SNTG1: variants seen among roughly 807,000 people sequenced by gnomAD.
The protein encoded by SNTG1 is gamma-1-syntrophin.
SNTG1 carries 39 observed loss-of-function variants against 74.7 expected under a neutral mutation model. That is an observed-to-expected ratio of 0.52 (90% CI 0.40 to 0.68). The LOEUF (loss-of-function observed/expected upper bound fraction) is 0.68, where lower values mean the gene tolerates loss of function less well. Among genes scored for constraint, SNTG1 ranks in the 30% least tolerant of loss-of-function variants. The probability of loss-of-function intolerance (pLI) is 0.00; values close to 1 mark genes in which losing one functional copy is unlikely to be tolerated. For synonymous variants in SNTG1, 254 were observed against 217.1 expected, an observed-to-expected ratio of 1.17 and a Z score of -1.49; for missense variants, 685 against 609.5, an observed-to-expected ratio of 1.12 and a Z score of -1.30.
chr8:50,402,810 T>A (rs1436959167), intron 4 of SNTG1, among the ~76,000 whole-genome samples: 1 of 152,146 alleles, frequency 6.6e-6, no homozygotes, highest in African/African-American at 2.4e-5. Context: ...GGATAGTGTC[T>A]AAATGATTCT....
chr8:50,505,833 T>G (rs1002252181), intron 9 of SNTG1, among the ~76,000 whole-genome samples: 2 of 152,150 alleles, frequency 1.3e-5, no homozygotes, highest in African/African-American at 4.8e-5. Context: ...ATCATTTTAT[T>G]TATTTTACAA....
intron 15 of SNTG1, among the ~76,000 whole-genome samples, chr8:50,678,671 T>C (rs1435126009): frequency 2.6e-5 from 4 of 152,162 alleles, no homozygotes; most frequent in Non-Finnish European, 5.9e-5. Context: ...AGCCAAACTT[T>C]ATCTGAAATA....
Position 50,763,648 on chromosome 8 carries a change from T to TTGTGTGTGTGTGTG in SNTG1, c.1395+11568_1395+11581dup, listed in dbSNP as rs141415804. Among the ~76,000 whole-genome samples the TTGTGTGTGTGTGTG allele has an allele frequency of 1.9e-3, 226 of 117,132 alleles. 3 individuals carry two copies. Among genetic ancestry groups the TTGTGTGTGTGTGTG allele is most frequent in the Middle Eastern group, 9.4e-3 (2 of 212 alleles). The allele number at this position is 117,132 out of a possible 152,430, so 76.8% of individuals were successfully genotyped here. A position where few individuals can be genotyped will look rare whatever the true frequency, so the allele number is the denominator to read the frequency against. On this transcript the variant is annotated intron_variant, in intron 18 of 18. Transcript: ENST00000642720. ...CTCTTTTGGCTCAAGATTGCCTTTA[T>TTGTGTGTGTGTGTG]TGTGTGTGTGTGTGTGTGTGTGTGT...
chr8:50,073,521 C>A (rs2131019259), intron 1 of SNTG1, among the ~76,000 whole-genome samples: 1 of 152,234 alleles, frequency 6.6e-6, no homozygotes, highest in Non-Finnish European at 1.5e-5. Flanking sequence ...ATTTTGACCT[C>A]CTCTCATGAG....
At chr8:50,788,605 C>A (rs2095682520) in intron 18 of SNTG1, among the ~76,000 whole-genome samples, 1 of 151,856 alleles carries the variant, frequency 6.6e-6, no homozygotes. Flanking sequence ...CGGTCTCAGG[C>A]ATAAATGGGT....
At chr8:50,531,565 C>T (rs753366165) in intron 10 of SNTG1, among the ~76,000 whole-genome samples, 2 of 152,172 alleles carry the variant, frequency 1.3e-5, no homozygotes, top group Non-Finnish European at 2.9e-5. Context: ...TCCTTCACCG[C>T]GCTGGTGCAC....
At chr8:50,007,491 C>T (rs535547626) in intron 1 of SNTG1, among the ~76,000 whole-genome samples, 2 of 152,136 alleles carry the variant, frequency 1.3e-5, no homozygotes, top group African/African-American at 4.8e-5. Flanking sequence ...ATTTCATTAA[C>T]TGGAGGGGAA....
chr8:50,167,562 C>T (rs2082665357), intron 1 of SNTG1, among the ~76,000 whole-genome samples: 1 of 151,156 alleles, frequency 6.6e-6, no homozygotes, highest in Admixed American at 6.6e-5. Context: ...TTTGTGAGGC[C>T]TTGGCAGGCA....
chr8:50,650,727 A>C (rs2095139773), intron 13 of SNTG1, among the ~76,000 whole-genome samples: 1 of 152,128 alleles, frequency 6.6e-6, no homozygotes, highest in Middle Eastern at 3.2e-3. Flanking sequence ...TTTGAGACAG[A>C]GTCTCACTCT....
chr8:50,651,610 A>C (rs2095147033), intron 13 of SNTG1, among the ~76,000 whole-genome samples: 1 of 148,766 alleles, frequency 6.7e-6, no homozygotes, highest in African/African-American at 2.5e-5. Flanking sequence ...GGCATGTACC[A>C]CCAAGCCCAA....
At chr8:50,654,252 AT>A (rs2095166892) in intron 13 of SNTG1, among the ~76,000 whole-genome samples, 1 of 151,770 alleles carries the variant, frequency 6.6e-6, no homozygotes, top group Admixed American at 6.6e-5. Flanking sequence ...TTTTTCTCTT[AT>A]TCTCATATAT....
rs571186887 is a variant in SNTG1 at position 50,580,147 on chromosome 8, G to A, written c.811-10732G>A. On this transcript the variant is annotated intron_variant, in intron 12 of 18. Coordinates refer to ENST00000642720, the MANE Select transcript of SNTG1 (RefSeq NM_018967.5). The stretch of plus-strand genomic sequence containing the variant: ...CATTGAGTCAAAGGAGATCATTTTC[G>A]AACCTTAAAGTTTAACAACTGCCCT... Among the ~76,000 whole-genome samples, 15 of 152,350 alleles carry A rather than the reference G, an allele frequency of 9.8e-5. No individual in the cohort carries two copies. The South Asian group carries it at 1.0e-3, about 11-fold the overall frequency.
chr8:49,918,763 A>AG (rs1470396406), intron 1 of SNTG1, among the ~76,000 whole-genome samples: 15 of 152,088 alleles, frequency 9.9e-5, no homozygotes, highest in African/African-American at 3.6e-4. Flanking sequence ...ACTGTGCCAA[A>AG]GGGAAAAACA....
intron 1 of SNTG1, among the ~76,000 whole-genome samples, chr8:50,102,258 G>A (rs1372793982): frequency 4.0e-5 from 6 of 150,398 alleles, no homozygotes; most frequent in South Asian, 4.2e-4. Context: ...ATTCTAACTG[G>A]TGTGAGATGA....
chr8:50,336,226 A>G (rs1407006238), intron 2 of SNTG1, among the ~76,000 whole-genome samples: 4 of 152,212 alleles, frequency 2.6e-5, no homozygotes, highest in Non-Finnish European at 5.9e-5. Context: ...TTTGGAGACC[A>G]TAGAGCATTC....
chr8:50,691,493 A>G (rs867027976), intron 15 of SNTG1, among the ~76,000 whole-genome samples: 1 of 152,100 alleles, frequency 6.6e-6, no homozygotes, highest in Non-Finnish European at 1.5e-5. Context: ...TATTTTATTT[A>G]TCCTTCAGTT....
chr8:50,067,415 T>C (rs769369191), intron 1 of SNTG1, among the ~76,000 whole-genome samples: 5 of 152,176 alleles, frequency 3.3e-5, no homozygotes, highest in Non-Finnish European at 5.9e-5. Context: ...CGAAATACAA[T>C]TGTAGGCCAT....
chr8:50,335,924 G>T (rs148626113), intron 2 of SNTG1, among the ~76,000 whole-genome samples: 27 of 151,900 alleles, frequency 1.8e-4, no homozygotes, highest in African/African-American at 5.8e-4. Context: ...GTCAAGGTAA[G>T]TCATGTTATA....
At chr8:50,315,930 T>C (rs2090301312) in intron 2 of SNTG1, among the ~76,000 whole-genome samples, 1 of 152,166 alleles carries the variant, frequency 6.6e-6, no homozygotes, top group African/African-American at 2.4e-5. Context: ...AAAGTGGAAA[T>C]TGAATGTGAG....
Sources: allele counts gnomAD v4.1 joint callset (sites outside exome capture counted in the v4.1 genomes callset), GRCh38; gene constraint gnomAD v4.1.1; transcripts MANE v1.5; gene names NCBI Gene and HGNC (gene_info 2026-07-23, HGNC 2026-07-21).